The following TLN2 variants were observed in gnomAD, a reference collection of about 807,000 sequenced individuals.
TLN2 encodes talin-2.
In TLN2, 118 loss-of-function variants were observed where a neutral mutation model predicts 294.7. The ratio of observed to expected loss-of-function variants is 0.40; its 90% CI spans 0.34 to 0.47. The LOEUF is 0.47. Ranked by LOEUF, TLN2 falls within the 20% of genes least tolerant of loss-of-function variation. TLN2 has a pLI of 0.84. For synonymous variants in TLN2, 1,431 were observed against 1,304.5 expected (o/e 1.10, Z -2.09); for missense variants, 3,083 against 3,282.2 (o/e 0.94, Z 1.48).
intron 1 of TLN2, among the ~76,000 whole-genome samples, chr15:62,430,736 G>T (rs1055543497): frequency 2.6e-5 from 4 of 152,066 alleles, no homozygotes; most frequent in African/African-American, 9.7e-5. Context: ...ATAAGTCATG[G>T]CCCGGTATGT....
intron 1 of TLN2, among the ~76,000 whole-genome samples, chr15:62,543,566 G>A (rs1358431795): frequency 6.6e-6 from 1 of 152,084 alleles, no homozygotes; most frequent in Non-Finnish European, 1.5e-5. Context: ...GACCATCCTG[G>A]CCAACATGGT....
intron 50 of TLN2, among the ~76,000 whole-genome samples, chr15:62,801,202 G>T (rs1343564143): frequency 6.6e-6 from 1 of 152,208 alleles, no homozygotes; most frequent in Non-Finnish European, 1.5e-5. Flanking sequence ...TGTTGGAAAA[G>T]CCTAGAAGCC....
intron 1 of TLN2, among the ~76,000 whole-genome samples, chr15:62,564,346 GA>G (rs1488263676): frequency 6.6e-6 from 1 of 152,196 alleles, no homozygotes; most frequent in Non-Finnish European, 1.5e-5. Context: ...GGTGGAGGTA[GA>G]CTGGACTCCA....
intron 38 of TLN2, 148 bp downstream of exon 38, chr15:62,761,969 G>A (rs1297795834): frequency 4.5e-6 from 5 of 1,120,934 alleles, no homozygotes; most frequent in Admixed American, 1.9e-5. Flanking sequence ...TGCACAGTTA[G>A]TGAAACACAA....
At chr15:62,509,017 G>C (rs1290906777) in intron 1 of TLN2, among the ~76,000 whole-genome samples, 1 of 152,148 alleles carries the variant, frequency 6.6e-6, no homozygotes, top group Non-Finnish European at 1.5e-5. Context: ...ATTCCTATGA[G>C]GTAGGTCCTG....
intron 1 of TLN2, among the ~76,000 whole-genome samples, chr15:62,495,092 C>T (rs2038950676): frequency 6.6e-6 from 1 of 152,222 alleles, no homozygotes; most frequent in African/African-American, 2.4e-5. Flanking sequence ...AGTTCCTTCA[C>T]TGCACTTGCA....
At chr15:62,780,695 C>T (rs1481602360) in intron 43 of TLN2, among the ~76,000 whole-genome samples, 2 of 152,208 alleles carry the variant, frequency 1.3e-5, no homozygotes, top group African/African-American at 2.4e-5. Context: ...GCCATGGACT[C>T]GACCATTCCT....
chr15:62,682,192 T>C (rs930318143), intron 11 of TLN2, among the ~76,000 whole-genome samples: 17 of 152,272 alleles, frequency 1.1e-4, no homozygotes, highest in African/African-American at 3.9e-4. Flanking sequence ...AAAGCAGCCA[T>C]AGGCAAAATG....
In TLN2 at chr15:62,709,453, T is replaced by C. The variant is rs117069688; in HGVS notation, c.2467+657T>C. 1.9e-4 allele frequency among the ~76,000 whole-genome samples: 29 copies of C among 152,256 alleles called. No homozygotes were observed. The East Asian group carries it at 5.2e-3, about 27-fold the overall frequency. On this transcript the variant is annotated intron_variant, in intron 21 of 58. Transcript: ENST00000636159. ...CAGATAGAGGAGGAATAGCTCTGGGTTGGTTAGTTTGCATATCAAAGACAC... is the reference window on the plus strand; with the variant it reads ...CAGATAGAGGAGGAATAGCTCTGGGCTGGTTAGTTTGCATATCAAAGACAC...
At chr15:62,655,574 C>A (rs2053112479) in intron 7 of TLN2, among the ~76,000 whole-genome samples, 2 of 16,710 alleles carry the variant, frequency 1.2e-4, no homozygotes, top group Non-Finnish European at 6.5e-4. Context: ...GCATATTATA[C>A]ATTCATTGTA....
At chr15:62,740,366 T>C (rs1202355901) in intron 31 of TLN2, 3 of 384,496 alleles carry the variant, frequency 7.8e-6, no homozygotes, top group Non-Finnish European at 1.4e-5. Context: ...ATGCCTCTAG[T>C]TGTGAGAAAA....
chr15:62,473,124 C>T (rs1296499411), intron 1 of TLN2, among the ~76,000 whole-genome samples: 1 of 152,180 alleles, frequency 6.6e-6, no homozygotes, highest in Non-Finnish European at 1.5e-5. Flanking sequence ...GTCAGCGTGG[C>T]ATTAGCCCAG....
intron 2 of TLN2, among the ~76,000 whole-genome samples, chr15:62,614,490 TA>T (rs1212194104): frequency 6.6e-6 from 1 of 151,958 alleles, no homozygotes; most frequent in Non-Finnish European, 1.5e-5. Context: ...TCTACTCCTT[TA>T]AAAAAAATTA....
At chr15:62,801,290 C>A (rs1272559963) in intron 50 of TLN2, among the ~76,000 whole-genome samples, 1 of 152,186 alleles carries the variant, frequency 6.6e-6, no homozygotes, top group Non-Finnish European at 1.5e-5. Context: ...TGACCCTGTT[C>A]TTTTCTGACT....
At chr15:62,437,013 G>A (rs1439942824) in intron 1 of TLN2, among the ~76,000 whole-genome samples, 2 of 152,252 alleles carry the variant, frequency 1.3e-5, no homozygotes, top group Admixed American at 6.5e-5. Context: ...AAAGGCGTGA[G>A]CCACTGTGCC....
intron 1 of TLN2, among the ~76,000 whole-genome samples, chr15:62,564,927 T>TAC (rs2043273486): frequency 7.6e-6 from 1 of 132,284 alleles, no homozygotes; most frequent in Non-Finnish European, 1.6e-5. Flanking sequence ...AAAAAAAAAA[T>TAC]ATATATATAT....
intron 1 of TLN2, among the ~76,000 whole-genome samples, chr15:62,412,171 A>G (rs1322117875): frequency 6.6e-6 from 1 of 152,226 alleles, no homozygotes; most frequent in Non-Finnish European, 1.5e-5. Context: ...AAGTTAATCC[A>G]GACCTACGGA....
At chr15:62,437,035 T>C (rs2035319436) in intron 1 of TLN2, among the ~76,000 whole-genome samples, 1 of 152,390 alleles carries the variant, frequency 6.6e-6, no homozygotes, top group Non-Finnish European at 1.5e-5. Flanking sequence ...AACCCAATTG[T>C]ATGATTTCTC....
At chr15:62,609,550 T>C (rs1354143455) in intron 2 of TLN2, among the ~76,000 whole-genome samples, 2 of 152,216 alleles carry the variant, frequency 1.3e-5, no homozygotes, top group Admixed American at 6.5e-5. Flanking sequence ...AGGCCAGTTA[T>C]TTTGTAGAGT....
Sources: gnomAD v4.1 joint callset for allele counts (sites outside exome capture counted in the v4.1 genomes callset) on GRCh38, gnomAD v4.1.1 for gene constraint, MANE v1.5 for transcripts, NCBI Gene and HGNC (gene_info 2026-07-23, HGNC 2026-07-21) for gene names.